The following GATAD2B variants were observed in gnomAD, a reference collection of about 807,000 sequenced individuals.
GATAD2B encodes the protein transcriptional repressor p66-beta.
A neutral mutation model predicts 64.3 loss-of-function variants in GATAD2B; 8 were observed. The ratio of observed to expected loss-of-function variants is 0.12; its 90% CI spans 0.07 to 0.22. The LOEUF is 0.22. Among genes scored for constraint, GATAD2B ranks in the 10% least tolerant of loss-of-function variants. The probability of loss-of-function intolerance (pLI) is 1.00; values close to 1 mark genes in which losing one functional copy is unlikely to be tolerated. For missense variants in GATAD2B, 453 were observed against 752.0 expected, an observed-to-expected ratio of 0.60 and a Z score of 4.65; for synonymous variants, 281 against 271.3, an observed-to-expected ratio of 1.04 and a Z score of -0.35.
At chr1:153,845,392 GAA>G (rs35860233) in intron 1 of GATAD2B, among the ~76,000 whole-genome samples, 10 of 141,708 alleles carry the variant, frequency 7.1e-5, no homozygotes, top group East Asian at 2.1e-4. Context: ...GTAAAAAAAA[GAA>G]AAAAAAAAAA....
intron 1 of GATAD2B, among the ~76,000 whole-genome samples, chr1:153,841,694 T>C (rs746255709): frequency 8.2e-4 from 125 of 152,346 alleles, no homozygotes; most frequent in Non-Finnish European, 1.5e-3. Flanking sequence ...ATTTACTCAC[T>C]GAAGGACATC....
intron 1 of GATAD2B, among the ~76,000 whole-genome samples, chr1:153,840,842 T>C (rs905622483): frequency 3.9e-5 from 6 of 152,206 alleles, no homozygotes; most frequent in African/African-American, 9.6e-5. Flanking sequence ...AAGATGGAGA[T>C]AGGCCGGGCA....
chr1:153,879,240 A>T (rs1163527511), intron 1 of GATAD2B, among the ~76,000 whole-genome samples: 1 of 148,292 alleles, frequency 6.7e-6, no homozygotes, highest in East Asian at 2.0e-4. Context: ...ACACCTGGCC[A>T]ATTTTTTTAT....
Position 153,811,755 on chromosome 1 carries a change from G to A in GATAD2B, c.1624C>T (p.Pro542Ser). Residue 542 changes from proline (P) to serine (S), a missense_variant, in exon 10 of 11, where the codon CCA becomes TCA. Physicochemically the swap from Pro to Ser is moderately conservative, Grantham distance 74 (BLOSUM62 -1). This residue lies in a region of GATAD2B where 160 missense variants were observed against 334.7 expected (regional missense o/e 0.48). Coordinates refer to ENST00000368655, the MANE Select transcript of GATAD2B (RefSeq NM_020699.4). ...NFAQAPQLSV[P>S]GGLLGMPGVN... ...CCTGGCATACCAAGGAGGCCACCTG[G>A]CACAGACAACTGGGGTGCCTGTGCA... 2 of 1,610,296 alleles carry A rather than the reference G, an allele frequency of 1.2e-6. No individual in the cohort carries two copies. Among genetic ancestry groups the A allele is most frequent in the Non-Finnish European group, 1.7e-6 (2 of 1,178,086 alleles).
intron 1 of GATAD2B, among the ~76,000 whole-genome samples, chr1:153,889,101 C>A (rs1677275218): frequency 2.0e-5 from 3 of 151,986 alleles, no homozygotes; most frequent in African/African-American, 7.3e-5. Flanking sequence ...TTAATAATCA[C>A]CTCACTGAAT....
chr1:153,845,683 C>G (rs1675660068), intron 1 of GATAD2B, among the ~76,000 whole-genome samples: 1 of 151,904 alleles, frequency 6.6e-6, no homozygotes, highest in Non-Finnish European at 1.5e-5. Flanking sequence ...ACTGCTTGAG[C>G]CTGGGAGGTT....
chr1:153,844,051 T>G (rs1172469426), intron 1 of GATAD2B, among the ~76,000 whole-genome samples: 1 of 151,982 alleles, frequency 6.6e-6, no homozygotes, highest in African/African-American at 2.4e-5. Flanking sequence ...GAGAACATAA[T>G]GAGATAATGG....
At chr1:153,881,642 G>T (rs1677013482) in intron 1 of GATAD2B, among the ~76,000 whole-genome samples, 1 of 152,198 alleles carries the variant, frequency 6.6e-6, no homozygotes, top group Non-Finnish European at 1.5e-5. Flanking sequence ...AAGGATTGGG[G>T]AGGGCAAGAC....
At chr1:153,870,478 C>A (rs573852152) in intron 1 of GATAD2B, among the ~76,000 whole-genome samples, 205 of 152,166 alleles carry the variant, frequency 1.3e-3, no homozygotes, top group Admixed American at 3.5e-3. Context: ...GAGGCTGAGG[C>A]AGGAGAATGG....
intron 1 of GATAD2B, among the ~76,000 whole-genome samples, chr1:153,836,286 C>G (rs1675264321): frequency 8.0e-6 from 1 of 125,494 alleles, no homozygotes; most frequent in Admixed American, 8.8e-5. Flanking sequence ...TTTTTTTAGA[C>G]AGTCTGTCAC....
intron 1 of GATAD2B, chr1:153,890,912 G>C (rs984865493): frequency 6.6e-6 from 1 of 152,194 alleles, no homozygotes; most frequent in Non-Finnish European, 1.5e-5. Context: ...CGACAGGTGC[G>C]GTGGCTCACA....
intron 1 of GATAD2B, among the ~76,000 whole-genome samples, chr1:153,873,565 C>A (rs1236982223): frequency 6.6e-6 from 1 of 152,224 alleles, no homozygotes; most frequent in Non-Finnish European, 1.5e-5. Context: ...CTCTGGAACT[C>A]TGCAAGGTCC....
intron 1 of GATAD2B, among the ~76,000 whole-genome samples, chr1:153,845,761 AAAAT>A (rs1021488748): frequency 1.1e-4 from 17 of 152,072 alleles, no homozygotes; most frequent in South Asian, 4.1e-4. Context: ...CTATCTCAAA[AAAAT>A]AAATAAATAA....
In GATAD2B at chr1:153,809,712, C is replaced by CAAAAAAAAAAAAAAAAAAAAAAAAAA. The variant is rs796437951; in HGVS notation, c.*464_*465insTTTTTTTTTTTTTTTTTTTTTTTTTT. 1.4e-5 allele frequency: 1 copy of CAAAAAAAAAAAAAAAAAAAAAAAAAA among 69,332 alleles called. No homozygotes were observed. The highest frequency in any genetic ancestry group is 5.3e-5 in the African/African-American group (1 of 18,790). The allele number at this position is 69,332 out of a possible 1,614,324, so 4.3% of individuals were successfully genotyped here. A position where few individuals can be genotyped will look rare whatever the true frequency, so the allele number is the denominator to read the frequency against. On this transcript the variant is annotated 3_prime_UTR_variant, in exon 11 of 11. Coordinates refer to ENST00000368655, the MANE Select transcript of GATAD2B (RefSeq NM_020699.4). Reference sequence around the variant, plus strand: ...TTGAACTGAATGTCATTTGTGTTTACAAAAAAAAAAAAAAAAAAGGAAGAA... The same window carrying CAAAAAAAAAAAAAAAAAAAAAAAAAA: ...TTGAACTGAATGTCATTTGTGTTTACAAAAAAAAAAAAAAAAAAAAAAAAAAAAAAAAAAAAAAAAAAAAGGAAGAA...
intron 1 of GATAD2B, among the ~76,000 whole-genome samples, chr1:153,881,162 C>T (rs1376087049): frequency 3.3e-5 from 5 of 152,182 alleles, no homozygotes; most frequent in East Asian, 1.9e-4. Context: ...CACGAGCGCG[C>T]GCACATTCTC....
At chr1:153,855,820 C>T (rs1217532134) in intron 1 of GATAD2B, among the ~76,000 whole-genome samples, 2 of 151,886 alleles carry the variant, frequency 1.3e-5, no homozygotes, top group Non-Finnish European at 2.9e-5. Flanking sequence ...GTAGCTGGGA[C>T]TACAGGTGCG....
chr1:153,814,293 T>C (rs1674382821), intron 7 of GATAD2B, among the ~76,000 whole-genome samples: 1 of 152,250 alleles, frequency 6.6e-6, no homozygotes, highest in Admixed American at 6.5e-5. Flanking sequence ...AATTCAAGTT[T>C]AATAACTTCA....
At chr1:153,892,179 A>AG (rs1438879448) in intron 1 of GATAD2B, among the ~76,000 whole-genome samples, 1 of 151,172 alleles carries the variant, frequency 6.6e-6, no homozygotes, top group Non-Finnish European at 1.5e-5. Context: ...AAAAAAAAAA[A>AG]AAAAAAGAAA....
Position 153,818,085 on chromosome 1 carries a change from C to T in GATAD2B, c.684G>A (p.Arg228=). ...GQQGLSKLPS[R]PGAQGVEPQN... Reference sequence around the variant, plus strand: ...GAGGTTCAACCCCTTGGGCCCCAGGCCGAGAGGGAAGCTTAGATAGGCCCT... The same window carrying T: ...GAGGTTCAACCCCTTGGGCCCCAGGTCGAGAGGGAAGCTTAGATAGGCCCT... Residue 228 remains arginine, a synonymous_variant, in exon 5 of 11, where the codon CGG becomes CGA. Transcript: ENST00000368655. 1 of 1,612,682 alleles carries T rather than the reference C, an allele frequency of 6.2e-7. No individual in the cohort carries two copies. Among genetic ancestry groups the T allele is most frequent in the Non-Finnish European group, 8.5e-7 (1 of 1,179,330 alleles).
Sources: gnomAD v4.1 joint callset for allele counts (sites outside exome capture counted in the v4.1 genomes callset) on GRCh38, gnomAD v4.1.1 for gene constraint, gnomAD v4.1.1 regional missense constraint, MANE v1.5 for transcripts, NCBI Gene and HGNC (gene_info 2026-07-23, HGNC 2026-07-21) for gene names.